NDUFB4: variants seen among roughly 807,000 people sequenced by gnomAD.
The protein encoded by NDUFB4 is NADH dehydrogenase [ubiquinone] 1 beta subcomplex subunit 4.
A neutral mutation model predicts 14.5 loss-of-function variants in NDUFB4; 10 were observed. That is an observed-to-expected ratio of 0.69 (90% CI 0.43 to 1.17). The LOEUF (loss-of-function observed/expected upper bound fraction) is 1.17, where lower values mean the gene tolerates loss of function less well. Ranked by LOEUF, NDUFB4 falls within the 50% of genes most tolerant of loss-of-function variation. The pLI, the probability that NDUFB4 is intolerant of heterozygous loss-of-function variation, is 0.00. For missense variants in NDUFB4, 165 were observed against 161.1 expected, an observed-to-expected ratio of 1.02 and a Z score of -0.13; for synonymous variants, 65 against 63.4, an observed-to-expected ratio of 1.03 and a Z score of -0.12.
Position 120,602,359 on chromosome 3 carries a change from G to C in NDUFB4, c.*89G>C. The C allele has an allele frequency of 7.9e-7, 1 of 1,265,750 alleles. No individual in the cohort carries two copies. The highest frequency in any genetic ancestry group is 1.4e-5 in the South Asian group (1 of 71,220). The allele number at this position is 1,265,750 out of a possible 1,614,324, so 78.4% of individuals were successfully genotyped here. A position where few individuals can be genotyped will look rare whatever the true frequency, so the allele number is the denominator to read the frequency against. ...AGTTTCTCTTTCTTAGTATTACCTT[G>C]ATTCAATGTTAAAAACTATTAACAC... On this transcript the variant is annotated 3_prime_UTR_variant, in exon 3 of 3. Coordinates refer to ENST00000184266, the MANE Select transcript of NDUFB4 (RefSeq NM_004547.6).
chr3:120,601,778 T>G (rs912626860), intron 2 of NDUFB4: 18 of 1,017,464 alleles, frequency 1.8e-5, no homozygotes, highest in Non-Finnish European at 2.0e-5. Context: ...AGCCCACTCG[T>G]CTAGCTTTGT....
chr3:120,596,496 A>C lies in NDUFB4; in HGVS notation c.137A>C (p.Glu46Ala). ...GCCATAAGAGCCCAGCTGAAACGAG[A>C]GTACCTGCTTCAGTACAACGATCCC... Reference protein sequence around the residue: ...RLAIRAQLKREYLLQYNDPNR... With the variant: ...RLAIRAQLKRAYLLQYNDPNR... The change falls in exon 1 of 3, where the codon GAG (glutamate) becomes GCG (alanine). Residue 46 changes from glutamate (E) to alanine (A), a missense_variant. By Grantham distance (107) the Glu-to-Ala change is moderately radical (BLOSUM62 -1). Coordinates refer to ENST00000184266, the MANE Select transcript of NDUFB4 (RefSeq NM_004547.6). 6.2e-7 allele frequency: 1 copy of C among 1,614,004 alleles called. No homozygotes were observed. Among genetic ancestry groups the C allele is most frequent in the Non-Finnish European group, 8.5e-7 (1 of 1,179,940 alleles).
intron 1 of NDUFB4, among the ~76,000 whole-genome samples, chr3:120,599,877 C>T (rs910900262): frequency 9.9e-5 from 15 of 151,966 alleles, no homozygotes; most frequent in Admixed American, 9.2e-4. Flanking sequence ...TTTAACATCC[C>T]CTTGGACCTA....
chr3:120,601,040 A>T (rs2107472511), intron 1 of NDUFB4, 71 bp from the exon 2 acceptor site: 1 of 1,384,554 alleles, frequency 7.2e-7, no homozygotes, highest in African/African-American at 1.5e-5. Context: ...CCTTCACAAA[A>T]GTCCCTATGA....
intron 2 of NDUFB4, chr3:120,601,746 C>T (rs1940067669): frequency 9.8e-7 from 1 of 1,019,188 alleles, no homozygotes; most frequent in South Asian, 4.0e-5. Context: ...AGCTGCAGCC[C>T]CCAGGCTTGT....
chr3:120,601,467 T>G, intron 2 of NDUFB4: 1 of 1,403,514 alleles, frequency 7.1e-7, no homozygotes, highest in Non-Finnish European at 9.2e-7. Flanking sequence ...TTTTTGTTAG[T>G]TCATTTGTTT....
At chr3:120,599,905 C>A (rs149049765) in intron 1 of NDUFB4, among the ~76,000 whole-genome samples, 2 of 152,058 alleles carry the variant, frequency 1.3e-5, no homozygotes, top group East Asian at 3.9e-4. Context: ...TCTTTACCCT[C>A]TTTTTTCTTG....
chr3:120,600,120 T>G (rs2107472089), intron 1 of NDUFB4, among the ~76,000 whole-genome samples: 1 of 139,172 alleles, frequency 7.2e-6, no homozygotes, highest in Admixed American at 7.2e-5. Context: ...TTTTTTTTTT[T>G]GTTTTTTTTT....
Position 120,602,317 on chromosome 3 carries a change from A to G in NDUFB4, c.*47A>G. The G allele has an allele frequency of 2.0e-6, 3 of 1,489,090 alleles. No homozygotes were observed. The highest frequency in any genetic ancestry group is 1.4e-5 in the African/African-American group (1 of 71,060). 92.2% of individuals were successfully genotyped at this position (1,489,090 alleles called of 1,614,324 possible). On this transcript the variant is annotated 3_prime_UTR_variant, in exon 3 of 3. Coordinates refer to ENST00000184266, the MANE Select transcript of NDUFB4 (RefSeq NM_004547.6). ...GTATTCCTGCCTAAATAAATCATCT[A>G]TTAATCATTAAGTAGTAGTTTCTCT...
At chr3:120,601,662 C>T (rs1325057516) in intron 2 of NDUFB4, 1 of 1,039,464 alleles carries the variant, frequency 9.6e-7, no homozygotes, top group Non-Finnish European at 1.2e-6. Context: ...CGTCAGCAGC[C>T]TGGGTATATG....
intron 1 of NDUFB4, among the ~76,000 whole-genome samples, chr3:120,596,979 A>G (rs372844939): frequency 2.1e-5 from 3 of 146,104 alleles, no homozygotes; most frequent in African/African-American, 7.5e-5. Context: ...TATATATTCT[A>G]TATATATGCA....
At chr3:120,600,532 G>C (rs1192269196) in intron 1 of NDUFB4, among the ~76,000 whole-genome samples, 1 of 152,150 alleles carries the variant, frequency 6.6e-6, no homozygotes, top group Non-Finnish European at 1.5e-5. Context: ...TGAAATGTCT[G>C]AATTAATGCT....
chr3:120,601,329 C>T (rs747871280), intron 2 of NDUFB4, 72 bp downstream of exon 2: 1 of 1,594,932 alleles, frequency 6.3e-7, no homozygotes, highest in South Asian at 1.1e-5. Context: ...GCAGCTCCTT[C>T]TCTTGAAGAT....
chr3:120,602,413 G>A lies in NDUFB4; in HGVS notation c.*143G>A, dbSNP rs1370303906. The A allele has an allele frequency of 2.8e-6, 2 of 711,008 alleles. No individual in the cohort carries two copies. The highest frequency in any genetic ancestry group is 4.5e-6 in the Non-Finnish European group (2 of 443,598). The allele number at this position is 711,008 out of a possible 1,614,324, so 44.0% of individuals were successfully genotyped here. On this transcript the variant is annotated 3_prime_UTR_variant, in exon 3 of 3. Transcript: ENST00000184266. ...AACAACACAGAAGCAGACGCAGCCC[G>A]TGTTGGGAATCTGCTGTCAGAGTGA...
At position 120,602,469 on chromosome 3, in the gene NDUFB4, G is replaced by A; in HGVS notation, c.*199G>A. 2 of 533,058 alleles carry A rather than the reference G, an allele frequency of 3.8e-6. No homozygotes were observed. The allele number at this position is 533,058 out of a possible 1,614,324, so 33.0% of individuals were successfully genotyped here. ...AACATTTGCTGTACATTGAATGAAT[G>A]AACATAAACTTCATTAAACTGTGAG... On this transcript the variant is annotated 3_prime_UTR_variant, in exon 3 of 3. Transcript: ENST00000184266.
rs1216181192 is a variant in NDUFB4, at chr3:120,596,373, A to G, written c.14A>G (p.Lys5Arg). 1.9e-6 allele frequency: 3 copies of G among 1,614,190 alleles called. No individual in the cohort carries two copies. Among genetic ancestry groups the G allele is most frequent in the African/African-American group, 1.3e-5 (1 of 75,064 alleles). MSFP[K>R]YKPSSLRTLP... Reference sequence around the variant, plus strand: ...TGGTTCGCCAAGATGTCGTTCCCAAAGTATAAGCCGTCGAGCCTGCGCACT... The same window carrying G: ...TGGTTCGCCAAGATGTCGTTCCCAAGGTATAAGCCGTCGAGCCTGCGCACT... The change falls in exon 1 of 3, where the codon AAG (lysine) becomes AGG (arginine). Residue 5 changes from lysine (K) to arginine (R), a missense_variant. Coordinates refer to ENST00000184266, the MANE Select transcript of NDUFB4 (RefSeq NM_004547.6).
chr3:120,596,385 C>G lies in NDUFB4; in HGVS notation c.26C>G (p.Ser9Trp). 3 of 1,614,168 alleles carry G rather than the reference C, an allele frequency of 1.9e-6. No individual in the cohort carries two copies. The highest frequency in any genetic ancestry group is 2.5e-6 in the Non-Finnish European group (3 of 1,180,020). ...ATGTCGTTCCCAAAGTATAAGCCGT[C>G]GAGCCTGCGCACTCTGCCTGAGACC... MSFPKYKP[S>W]SLRTLPETLD... Residue 9 changes from serine to tryptophan, a missense_variant, in exon 1 of 3, where the codon TCG becomes TGG. By Grantham distance (177) the Ser-to-Trp change is radical. Transcript: ENST00000184266.
rs369177790 is a variant in NDUFB4, at chr3:120,601,130, G to A, written c.200G>A (p.Arg67His). ...RGLIENPALLRWAYARTINVY... is the reference protein window; with the variant it reads ...RGLIENPALLHWAYARTINVY... ...TTTTAGGAAAATCCTGCCTTGCTTC[G>A]TTGGGCCTATGCAAGAACAATAAAT... is the stretch of plus-strand genomic sequence containing the variant. The change falls in exon 2 of 3, where the codon CGT (arginine) becomes CAT (histidine). Residue 67 changes from arginine to histidine, a missense_variant. Transcript: ENST00000184266. 13 of 1,610,618 alleles carry A rather than the reference G, an allele frequency of 8.1e-6. No individual in the cohort carries two copies. The highest frequency in any genetic ancestry group is 3.4e-5 in the Admixed American group (2 of 59,188).
At chr3:120,598,065 T>C (rs985407342) in intron 1 of NDUFB4, among the ~76,000 whole-genome samples, 1 of 151,006 alleles carries the variant, frequency 6.6e-6, no homozygotes, top group African/African-American at 2.4e-5. Flanking sequence ...TTTTTTTTTT[T>C]CCCTTGAGAC....
Sources: gnomAD v4.1 joint callset for allele counts (sites outside exome capture counted in the v4.1 genomes callset) on GRCh38, gnomAD v4.1.1 for gene constraint, MANE v1.5 for transcripts, NCBI Gene and HGNC (gene_info 2026-07-23, HGNC 2026-07-21) for gene names.